Variants in PCBP2 observed in about 807,000 individuals in gnomAD.
PCBP2 encodes poly(rC)-binding protein 2.
In PCBP2, 4 loss-of-function variants were observed where a neutral mutation model predicts 50.1. The observed-to-expected ratio is 0.08, with a 90% confidence interval of 0.04 to 0.18. The LOEUF is 0.18. Among genes scored for constraint, PCBP2 ranks in the 10% least tolerant of loss-of-function variants. The pLI is 1.00. For synonymous variants in PCBP2, 179 were observed against 168.0 expected (o/e 1.07, Z -0.51); for missense variants, 161 against 474.3 (o/e 0.34, Z 6.14).
chr12:53,478,529 C>T (rs1337893296), intron 14 of PCBP2, among the ~76,000 whole-genome samples: 6 of 151,098 alleles, frequency 4.0e-5, no homozygotes, highest in Admixed American at 1.3e-4. Context: ...TAAGGCCAGG[C>T]GCGGTGGCTC....
chr12:53,455,435 G>A, intron 3 of PCBP2, 26 bp from the exon 4 acceptor site: 1 of 1,614,044 alleles, frequency 6.2e-7, no homozygotes, highest in Non-Finnish European at 8.5e-7. Context: ...AGCAGTTGGA[G>A]CTCATGCTTG....
intron 14 of PCBP2, among the ~76,000 whole-genome samples, chr12:53,477,773 C>T (rs1942729858): frequency 6.7e-6 from 1 of 149,578 alleles, no homozygotes. Context: ...AAGGACTTTG[C>T]AGTTTTTTGG....
Position 53,467,266 on chromosome 12 carries a change from A to G in PCBP2, c.760A>G (p.Met254Val). The G allele has an allele frequency of 1.2e-6, 2 of 1,614,070 alleles. No individual in the cohort carries two copies. Among genetic ancestry groups the G allele is most frequent in the Non-Finnish European group, 1.7e-6 (2 of 1,179,908 alleles). ...GGCAATGCAACAGTCTCATTTTCCC[A>G]TGACGCATGGCAACACCGGATTCAG... ...QLAMQQSHFP[M>V]THGNTGFSGI... is the part of the protein sequence containing the mutation. The change falls in exon 11 of 15, where the codon ATG becomes GTG. Residue 254 changes from methionine to valine, a missense_variant. By Grantham distance (21) the Met-to-Val change is conservative. Around this residue, in one of 7 missense-constraint regions of PCBP2, gnomAD observed 51 missense variants for 193.0 expected, o/e 0.26. Coordinates refer to ENST00000546463, the MANE Select transcript of PCBP2 (RefSeq NM_031989.5).
intron 12 of PCBP2, chr12:53,468,219 A>C: frequency 4.7e-6 from 1 of 210,868 alleles, no homozygotes; most frequent in Non-Finnish European, 9.5e-6. Context: ...CAGGGACTAA[A>C]TCTGGAGAAA....
chr12:53,464,538 C>G, intron 8 of PCBP2: 1 of 526,748 alleles, frequency 1.9e-6, no homozygotes. Context: ...TTGCCCCACC[C>G]CTTCATTCTT....
intron 13 of PCBP2, among the ~76,000 whole-genome samples, chr12:53,470,395 A>C (rs1462290194): frequency 1.4e-5 from 2 of 144,178 alleles, no homozygotes; most frequent in Non-Finnish European, 3.0e-5. Flanking sequence ...AAAAAAAAAA[A>C]AAAAAAAGTG....
chr12:53,467,116 T>C, intron 10 of PCBP2, 105 bp from the exon 11 acceptor site: 7 of 767,826 alleles, frequency 9.1e-6, no homozygotes, highest in Non-Finnish European at 1.6e-5. Flanking sequence ...GTTTGAGTAG[T>C]AGAGTCAATT....
intron 14 of PCBP2, among the ~76,000 whole-genome samples, chr12:53,478,597 AGTTT>A (rs1942822301): frequency 6.6e-6 from 1 of 152,166 alleles, no homozygotes. Context: ...TGAGGTCAGG[AGTTT>A]AAGACCTGCC....
rs1235733541 is a variant in PCBP2 at position 53,460,796 on chromosome 12, T to C, written c.376-219T>C. 18 of 421,584 alleles carry C rather than the reference T, an allele frequency of 4.3e-5. 1 individual carries two copies. Among genetic ancestry groups the C allele is most frequent in the South Asian group, 1.4e-4 (5 of 36,704 alleles). The allele number at this position is 421,584 out of a possible 1,614,324, so 26.1% of individuals were successfully genotyped here. ...AGAGTAGGTTAAATTTAGGCTGTTA[T>C]TCACGCTTATTCTTGTCTTTCAGTG... On this transcript the variant is annotated intron_variant, in intron 6 of 14. Transcript: ENST00000546463.
At position 53,456,099 on chromosome 12, in the gene PCBP2, C is replaced by G. The variant is rs955999758; in HGVS notation, c.243+98C>G. The G allele has an allele frequency of 6.6e-6, 5 of 762,774 alleles. No homozygotes were observed. The Middle Eastern group carries it at 7.0e-4, about 107-fold the overall frequency. The allele number at this position is 762,774 out of a possible 1,614,324, so 47.3% of individuals were successfully genotyped here. ...TTTTAAATTCAAGGACACACTGGAC[C>G]TTGAGACTCGCTGTAAATGGGTCCT... is the stretch of plus-strand genomic sequence containing the variant. On this transcript the variant is annotated intron_variant, in intron 5 of 14. Transcript: ENST00000546463.
intron 14 of PCBP2, among the ~76,000 whole-genome samples, chr12:53,477,575 A>G (rs1942682650): frequency 7.0e-6 from 1 of 142,246 alleles, no homozygotes; most frequent in Non-Finnish European, 1.5e-5. Context: ...CTGAGGCAGG[A>G]GAATGGCGTG....
Position 53,479,415 on chromosome 12 carries a change from G to C in PCBP2, c.1062G>C (p.Ser354=). The change falls in exon 15 of 15, where the codon TCG becomes TCC. Residue 354 remains serine (S), a synonymous_variant. Transcript: ENST00000546463. Reference sequence around the variant, plus strand: ...TGTTTCTGTGTTACAGGCTTTCCTCGGAGACGGGTGGCATGGGGAGCAGCT... The same window carrying C: ...TGTTTCTGTGTTACAGGCTTTCCTCCGAGACGGGTGGCATGGGGAGCAGCT... ...AQYLINVRLS[S]ETGGMGSS is the part of the protein sequence containing the mutation. The C allele has an allele frequency of 1.9e-6, 3 of 1,614,044 alleles. No individual in the cohort carries two copies. The highest frequency in any genetic ancestry group is 2.5e-6 in the Non-Finnish European group (3 of 1,179,968).
intron 8 of PCBP2, chr12:53,464,550 T>C (rs542371261): frequency 4.4e-5 from 25 of 569,586 alleles, no homozygotes; most frequent in East Asian, 3.3e-4. Flanking sequence ...TTCATTCTTA[T>C]TGAAAATAGC....
intron 1 of PCBP2, chr12:53,452,782 C>T (rs1023045465): frequency 2.6e-5 from 4 of 152,056 alleles, no homozygotes; most frequent in Non-Finnish European, 4.4e-5. Flanking sequence ...ATTAGTCCGG[C>T]CCCTCCCCCT....
intron 10 of PCBP2, among the ~76,000 whole-genome samples, chr12:53,466,248 C>T (rs1333028052): frequency 6.6e-6 from 1 of 152,182 alleles, no homozygotes; most frequent in Non-Finnish European, 1.5e-5. Context: ...GGGAAATGTT[C>T]CATGGTATAC....
intron 5 of PCBP2, 121 bp from the exon 6 acceptor site, chr12:53,459,151 G>C: frequency 1.4e-6 from 1 of 721,828 alleles, no homozygotes; most frequent in Non-Finnish European, 2.1e-6. Context: ...TTTTGTCTAT[G>C]GTGGATTATG....
chr12:53,456,203 A>G (rs1159399142), intron 5 of PCBP2, among the ~76,000 whole-genome samples: 1 of 152,148 alleles, frequency 6.6e-6, no homozygotes, highest in Non-Finnish European at 1.5e-5. Context: ...GTGGTGGCTC[A>G]TGGCTGTAGT....
At chr12:53,461,261 G>C (rs1052127627) in intron 7 of PCBP2, 118 bp downstream of exon 7, 1 of 1,117,084 alleles carries the variant, frequency 9.0e-7, no homozygotes, top group Non-Finnish European at 1.3e-6. Flanking sequence ...AGTGGGGGTG[G>C]GGCTAAAAGG....
At chr12:53,467,691 T>G in intron 11 of PCBP2, 114 bp from the exon 12 acceptor site, 1 of 871,636 alleles carries the variant, frequency 1.1e-6, no homozygotes, top group Non-Finnish European at 1.9e-6. Flanking sequence ...TTTTTTTTGT[T>G]TTTGTTTTTG....
Sources: allele counts gnomAD v4.1 joint callset (sites outside exome capture counted in the v4.1 genomes callset), GRCh38; gene constraint gnomAD v4.1.1; regional missense constraint gnomAD v4.1.1; transcripts MANE v1.5; gene names NCBI Gene and HGNC (gene_info 2026-07-23, HGNC 2026-07-21).